The following THSD7A variants were observed in gnomAD, a reference collection of about 807,000 sequenced individuals.
The protein encoded by THSD7A is thrombospondin type-1 domain-containing protein 7A.
THSD7A carries 96 observed loss-of-function variants against 231.3 expected under a neutral mutation model. The observed-to-expected ratio is 0.41, with a 90% CI of 0.35 to 0.49. THSD7A has a LOEUF of 0.49. Ranked by LOEUF, THSD7A falls within the 20% of genes least tolerant of loss-of-function variation. The pLI, the probability that THSD7A is intolerant of heterozygous loss-of-function variation, is 0.05. For synonymous variants in THSD7A, 940 were observed against 743.3 expected, an observed-to-expected ratio of 1.26 and a Z score of -4.30; for missense variants, 2,290 against 2,070.2, an observed-to-expected ratio of 1.11 and a Z score of -2.06.
intron 4 of THSD7A, among the ~76,000 whole-genome samples, chr7:11,558,257 C>A (rs1362988451): frequency 1.3e-5 from 2 of 152,082 alleles, no homozygotes; most frequent in African/African-American, 4.8e-5. Context: ...ATACAACTTC[C>A]AGGGAATATT....
At chr7:11,720,010 C>T (rs945706768) in intron 1 of THSD7A, among the ~76,000 whole-genome samples, 1 of 151,758 alleles carries the variant, frequency 6.6e-6, no homozygotes, top group Non-Finnish European at 1.5e-5. Context: ...ACTAAACTTC[C>T]TTGCTCAGCC....
Position 11,717,774 on chromosome 7 carries a change from T to A in THSD7A, c.191-80813A>T, listed in dbSNP as rs144960471. Reference sequence around the variant, plus strand: ...TTGGTTCCAAACTAAGAAGTAGATATGAAGTATTATTTTTTGGTCCTTTCC... The same window carrying A: ...TTGGTTCCAAACTAAGAAGTAGATAAGAAGTATTATTTTTTGGTCCTTTCC... On this transcript the variant is annotated intron_variant, in intron 1 of 27. Transcript: ENST00000423059. 2.5e-3 allele frequency among the ~76,000 whole-genome samples: 376 copies of A among 151,734 alleles called. 1 individual carries two copies. The highest frequency in any genetic ancestry group is 8.7e-3 in the African/African-American group (360 of 41,486).
At chr7:11,668,302 C>T (rs1783227913) in intron 1 of THSD7A, among the ~76,000 whole-genome samples, 1 of 151,966 alleles carries the variant, frequency 6.6e-6, no homozygotes. Flanking sequence ...CCTGTAATCC[C>T]AGCTTCTCGG....
In THSD7A at chr7:11,375,890, T is replaced by G; in HGVS notation, c.4890-12A>C. ...TCTTTGGCTTTTTGCTGTAAAAAAA[T>G]TCGGAATTAGGAGAAAGAAAATCAG... On this transcript the variant is annotated splice_polypyrimidine_tract_variant and intron_variant, in intron 27 of 27. Transcript: ENST00000423059. 5 of 1,611,724 alleles carry G rather than the reference T, an allele frequency of 3.1e-6. No individual in the cohort carries two copies. Among genetic ancestry groups the G allele is most frequent in the Non-Finnish European group, 4.2e-6 (5 of 1,178,412 alleles).
chr7:11,717,461 CAT>C (rs781139289), intron 1 of THSD7A, among the ~76,000 whole-genome samples: 3 of 151,708 alleles, frequency 2.0e-5, no homozygotes, highest in Non-Finnish European at 3.0e-5. Context: ...CCTCACCCTC[CAT>C]TTTCTGCTTT....
intron 2 of THSD7A, among the ~76,000 whole-genome samples, chr7:11,602,010 G>A (rs1489916106): frequency 1.3e-5 from 2 of 152,094 alleles, no homozygotes; most frequent in Non-Finnish European, 2.9e-5. Flanking sequence ...GTTTGTTAGA[G>A]CAACTGCTTT....
intron 1 of THSD7A, among the ~76,000 whole-genome samples, chr7:11,732,797 T>G (rs1010408446): frequency 6.6e-6 from 1 of 151,846 alleles, no homozygotes; most frequent in African/African-American, 2.4e-5. Flanking sequence ...TGAAAGCTTA[T>G]TTCTTTAGAT....
Position 11,436,980 on chromosome 7 carries a change from C to CA in THSD7A, c.3065-7856dup, listed in dbSNP as rs1784653586. 3.9e-5 allele frequency among the ~76,000 whole-genome samples: 6 copies of CA among 152,122 alleles called. No homozygotes were observed. The South Asian group carries it at 1.2e-3, about 32-fold the overall frequency. On this transcript the variant is annotated intron_variant, in intron 13 of 27. Transcript: ENST00000423059. Reference sequence around the variant, plus strand: ...TAGTGGCAGAAATTGCTGATAAAGGCAAAATTCTAATTTTTCTTTTTTGGT... The same window carrying CA: ...TAGTGGCAGAAATTGCTGATAAAGGCAAAAATTCTAATTTTTCTTTTTTGGT...
chr7:11,659,961 C>T (rs952266043), intron 1 of THSD7A, among the ~76,000 whole-genome samples: 1 of 151,336 alleles, frequency 6.6e-6, no homozygotes, highest in African/African-American at 2.4e-5. Flanking sequence ...TGACCTCAGA[C>T]CTAATGATTA....
In THSD7A at chr7:11,776,753, T is replaced by C. The variant is rs576026836; in HGVS notation, c.190+55004A>G. Among the ~76,000 whole-genome samples the C allele has an allele frequency of 9.2e-5, 14 of 152,322 alleles. No homozygotes were observed. The East Asian group carries it at 2.3e-3, about 25-fold the overall frequency. On this transcript the variant is annotated intron_variant, in intron 1 of 27. Coordinates refer to ENST00000423059, the MANE Select transcript of THSD7A (RefSeq NM_015204.3). ...AAGTATTCTGGGAGCTAAAGACGCA[T>C]CTTGACAACTAGTAAAATAGTTTTT...
intron 4 of THSD7A, among the ~76,000 whole-genome samples, chr7:11,560,267 A>G (rs1431776158): frequency 6.6e-6 from 1 of 152,176 alleles, no homozygotes; most frequent in Non-Finnish European, 1.5e-5. Context: ...GAAAGAGGAA[A>G]GCAGTCATGA....
chr7:11,425,894 T>G (rs758533160), intron 15 of THSD7A, among the ~76,000 whole-genome samples: 3 of 151,988 alleles, frequency 2.0e-5, no homozygotes, highest in African/African-American at 7.2e-5. Context: ...CCAATTTTAG[T>G]GAACTAAAAA....
intron 16 of THSD7A, among the ~76,000 whole-genome samples, chr7:11,421,099 G>C (rs1428177749): frequency 6.6e-6 from 1 of 152,186 alleles, no homozygotes; most frequent in Non-Finnish European, 1.5e-5. Context: ...AATGAGTTAA[G>C]GCTTTGGGAG....
intron 6 of THSD7A, among the ~76,000 whole-genome samples, chr7:11,489,603 C>A (rs1336948494): frequency 1.3e-5 from 2 of 152,030 alleles, no homozygotes; most frequent in African/African-American, 2.4e-5. Context: ...CATTAATTGG[C>A]AAACACAGAT....
rs1185004522 is a variant in THSD7A, at chr7:11,556,280, GGTGTGTAT to G, written c.1454-13171_1454-13164del. Among the ~76,000 whole-genome samples, 6 of 149,708 alleles carry G rather than the reference GGTGTGTAT, an allele frequency of 4.0e-5. No homozygotes were observed. The East Asian group carries it at 1.2e-3, about 30-fold the overall frequency. ...ATTACATATATATGTCATATATATG[GGTGTGTAT>G]GTGTATATGTGTATATATGTACATA... On this transcript the variant is annotated intron_variant, in intron 4 of 27. Coordinates refer to ENST00000423059, the MANE Select transcript of THSD7A (RefSeq NM_015204.3).
intron 1 of THSD7A, among the ~76,000 whole-genome samples, chr7:11,777,875 A>C (rs7803575): frequency 0.6 from 91,608 of 151,640 alleles, 28,450 homozygotes; most frequent in African/African-American, 0.75. Context: ...CCTGGCCGGG[A>C]GCGGTGGCTC....
At chr7:11,532,000 A>G (rs573452117) in intron 6 of THSD7A, among the ~76,000 whole-genome samples, 3 of 152,254 alleles carry the variant, frequency 2.0e-5, no homozygotes, top group South Asian at 4.1e-4. Flanking sequence ...GCTTTGACCC[A>G]TAGAATGTGG....
intron 1 of THSD7A, among the ~76,000 whole-genome samples, chr7:11,806,159 T>A (rs1562568340): frequency 6.6e-6 from 1 of 152,164 alleles, no homozygotes. Context: ...ATCAGCTGAA[T>A]AATTCACGTA....
Position 11,429,127 on chromosome 7 carries a change from T to C in THSD7A, c.3065-2A>G. ...TGATGCAGGCCTCCTCAATGTAACC[T>C]GAGTAGAGGAAAATGAGACAAGAAT... On this transcript the variant is annotated splice_acceptor_variant, in intron 13 of 27. Coordinates refer to ENST00000423059, the MANE Select transcript of THSD7A (RefSeq NM_015204.3). LOFTEE classifies it high-confidence loss of function. The C allele has an allele frequency of 1.3e-6, 2 of 1,562,590 alleles. No homozygotes were observed. Among genetic ancestry groups the C allele is most frequent in the Non-Finnish European group, 1.7e-6 (2 of 1,158,476 alleles).
Sources: allele counts gnomAD v4.1 joint callset (sites outside exome capture counted in the v4.1 genomes callset), GRCh38; gene constraint gnomAD v4.1.1; transcripts MANE v1.5; gene names NCBI Gene and HGNC (gene_info 2026-07-23, HGNC 2026-07-21).